The following WWOX variants were observed in gnomAD, a reference collection of about 807,000 sequenced individuals.
WWOX encodes the protein WW domain-containing oxidoreductase.
A neutral mutation model predicts 46.2 loss-of-function variants in WWOX; 69 were observed. The ratio of observed to expected loss-of-function variants is 1.49; its 90% CI spans 1.23 to 1.82. The LOEUF (loss-of-function observed/expected upper bound fraction) is 1.82. Among genes scored for constraint, WWOX ranks in the 40% most tolerant of loss-of-function variants. The probability of loss-of-function intolerance (pLI) is 0.00; values close to 1 mark genes in which losing one functional copy is unlikely to be tolerated. For missense variants in WWOX, 919 were observed against 542.6 expected, an observed-to-expected ratio of 1.69 and a Z score of -6.89; for synonymous variants, 359 against 202.6, an observed-to-expected ratio of 1.77 and a Z score of -6.56.
chr16:78,114,443 C>G (rs1253382907), intron 3 of WWOX, among the ~76,000 whole-genome samples: 2 of 152,146 alleles, frequency 1.3e-5, no homozygotes, highest in East Asian at 3.9e-4. Flanking sequence ...TAGATCAATT[C>G]CAAATCAAAA....
chr16:79,001,781 G>A (rs1219956831), intron 8 of WWOX, among the ~76,000 whole-genome samples: 7 of 152,106 alleles, frequency 4.6e-5, no homozygotes, highest in Admixed American at 6.6e-5. Flanking sequence ...AAGTACAAAT[G>A]AAAGCCTCTC....
chr16:78,945,896 C>A (rs1386831727), intron 8 of WWOX, among the ~76,000 whole-genome samples: 1 of 152,114 alleles, frequency 6.6e-6, no homozygotes, highest in African/African-American at 2.4e-5. Context: ...TTTAACTGCC[C>A]TTGTGACCTT....
chr16:78,924,953 G>T (rs1039269254), intron 8 of WWOX, among the ~76,000 whole-genome samples: 8 of 152,128 alleles, frequency 5.3e-5, no homozygotes, highest in Non-Finnish European at 1.0e-4. Context: ...CCAGCACTTT[G>T]GGGGGCCAAG....
At chr16:78,899,069 T>C (rs1377426883) in intron 8 of WWOX, 2 of 152,124 alleles carry the variant, frequency 1.3e-5, no homozygotes, top group African/African-American at 4.8e-5. Context: ...CCAATTTTTA[T>C]GGCTTTTGTT....
chr16:78,451,148 G>A (rs887165009), intron 8 of WWOX, among the ~76,000 whole-genome samples: 2 of 152,086 alleles, frequency 1.3e-5, no homozygotes, highest in Non-Finnish European at 2.9e-5. Flanking sequence ...ACCCAGAGTG[G>A]AGGCCGATTT....
intron 8 of WWOX, among the ~76,000 whole-genome samples, chr16:78,956,188 C>G (rs2046163004): frequency 6.6e-6 from 1 of 152,082 alleles, no homozygotes; most frequent in African/African-American, 2.4e-5. Context: ...CTCTGTCACC[C>G]AGGCTGGAGT....
intron 8 of WWOX, among the ~76,000 whole-genome samples, chr16:78,876,170 C>G (rs369587637): frequency 6.6e-6 from 1 of 151,756 alleles, no homozygotes; most frequent in African/African-American, 2.4e-5. Flanking sequence ...TTTTGCTTTA[C>G]GTTTTAACAA....
intron 8 of WWOX, among the ~76,000 whole-genome samples, chr16:79,006,220 T>A (rs2047187722): frequency 6.6e-6 from 1 of 152,090 alleles, no homozygotes; most frequent in Non-Finnish European, 1.5e-5. Context: ...TTCCCAGTCT[T>A]TAAGGATAAG....
intron 8 of WWOX, among the ~76,000 whole-genome samples, chr16:78,789,221 G>A (rs542212273): frequency 1.3e-5 from 2 of 152,244 alleles, no homozygotes; most frequent in South Asian, 4.2e-4. Flanking sequence ...CATGGTTTCA[G>A]AAAAGAGTTT....
chr16:78,588,032 A>G (rs549110801), intron 8 of WWOX, among the ~76,000 whole-genome samples: 1 of 152,194 alleles, frequency 6.6e-6, no homozygotes, highest in East Asian at 1.9e-4. Flanking sequence ...TCAGTTCAGC[A>G]TTATGAAGCT....
intron 8 of WWOX, among the ~76,000 whole-genome samples, chr16:78,781,252 G>C (rs768966524): frequency 5.3e-5 from 8 of 152,098 alleles, no homozygotes; most frequent in Non-Finnish European, 8.8e-5. Flanking sequence ...CCTGGAACTG[G>C]GCACTCAGCT....
intron 6 of WWOX, among the ~76,000 whole-genome samples, chr16:78,422,179 CTT>C (rs1251821810): frequency 6.6e-6 from 1 of 152,068 alleles, no homozygotes; most frequent in Non-Finnish European, 1.5e-5. Flanking sequence ...TGTAAGAACT[CTT>C]TATATACTAA....
chr16:78,602,765 C>A (rs1436760273), intron 8 of WWOX, among the ~76,000 whole-genome samples: 1 of 152,212 alleles, frequency 6.6e-6, no homozygotes, highest in African/African-American at 2.4e-5. Context: ...AAATGGTTTA[C>A]ATGGTTTATC....
intron 8 of WWOX, among the ~76,000 whole-genome samples, chr16:78,608,787 G>A (rs887255588): frequency 6.6e-6 from 1 of 152,168 alleles, no homozygotes; most frequent in Non-Finnish European, 1.5e-5. Flanking sequence ...CCCTCCAGGG[G>A]TTCCTGGGTT....
At chr16:78,607,634 A>C (rs1002921915) in intron 8 of WWOX, among the ~76,000 whole-genome samples, 3 of 130,556 alleles carry the variant, frequency 2.3e-5, no homozygotes, top group African/African-American at 7.9e-5. Context: ...GGAGTGACTC[A>C]TTTGTTCTTC....
intron 8 of WWOX, among the ~76,000 whole-genome samples, chr16:78,449,911 A>G (rs1012569137): frequency 1.3e-5 from 2 of 148,804 alleles, no homozygotes; most frequent in African/African-American, 4.9e-5. Context: ...TTTTTTTTTT[A>G]AGCCATAAAG....
At chr16:79,076,944 T>A (rs2048668580) in intron 8 of WWOX, among the ~76,000 whole-genome samples, 1 of 152,254 alleles carries the variant, frequency 6.6e-6, no homozygotes, top group African/African-American at 2.4e-5. Flanking sequence ...GGTGGTATTA[T>A]TATTCTTATT....
chr16:78,334,394 C>G (rs74029899), intron 5 of WWOX, among the ~76,000 whole-genome samples: 1,556 of 152,234 alleles, frequency 0.01, 25 homozygotes, highest in African/African-American at 0.035. Context: ...CAGAATATAA[C>G]AACAGCGAAC....
At chr16:78,466,672 AC>A in intron 8 of WWOX, among the ~76,000 whole-genome samples, 1 of 151,810 alleles carries the variant, frequency 6.6e-6, no homozygotes, top group East Asian at 2.0e-4. Context: ...TCTACTATAA[AC>A]TCCGTCTCTA....
Sources: gnomAD v4.1 joint callset for allele counts (sites outside exome capture counted in the v4.1 genomes callset) on GRCh38, gnomAD v4.1.1 for gene constraint, MANE v1.5 for transcripts, NCBI Gene and HGNC (gene_info 2026-07-23, HGNC 2026-07-21) for gene names.